SYCP1: variants seen among roughly 807,000 people sequenced by gnomAD.
The protein encoded by SYCP1 is synaptonemal complex protein 1.
A neutral mutation model predicts 153.1 loss-of-function variants in SYCP1; 64 were observed. That is an observed-to-expected ratio of 0.42 (90% confidence interval 0.34 to 0.51). The LOEUF (loss-of-function observed/expected upper bound fraction) is 0.51, where lower values mean the gene tolerates loss of function less well. Among genes scored for constraint, SYCP1 ranks in the 20% least tolerant of loss-of-function variants. The pLI, the probability that SYCP1 is intolerant of heterozygous loss-of-function variation, is 0.06. For missense variants in SYCP1, 997 were observed against 1,049.0 expected (o/e 0.95, Z 0.68); for synonymous variants, 384 against 341.8 (o/e 1.12, Z -1.36).
intron 27 of SYCP1, among the ~76,000 whole-genome samples, chr1:114,947,774 T>A (rs981260909): frequency 8.8e-6 from 1 of 113,024 alleles, no homozygotes; most frequent in Non-Finnish European, 1.6e-5. Context: ...ATCGCGCCAC[T>A]GCACTCTAGC....
At chr1:114,888,743 T>C (rs1249576272) in intron 15 of SYCP1, among the ~76,000 whole-genome samples, 1 of 152,156 alleles carries the variant, frequency 6.6e-6, no homozygotes, top group African/African-American at 2.4e-5. Flanking sequence ...CTAGGGTACA[T>C]GTGCACAACG....
intron 8 of SYCP1, among the ~76,000 whole-genome samples, chr1:114,869,805 T>C (rs781074454): frequency 1.1e-4 from 16 of 152,180 alleles, no homozygotes; most frequent in Non-Finnish European, 2.2e-4. Context: ...ACACTCAACA[T>C]ACATGTCTTA....
chr1:114,962,004 G>A (rs1671813033), intron 27 of SYCP1, among the ~76,000 whole-genome samples: 1 of 142,080 alleles, frequency 7.0e-6, no homozygotes, highest in Admixed American at 7.1e-5. Context: ...TTGAGATGGA[G>A]TCTTACCTTT....
intron 16 of SYCP1, among the ~76,000 whole-genome samples, chr1:114,906,903 AATTCT>A (rs1667846900): frequency 6.6e-6 from 1 of 152,078 alleles, no homozygotes; most frequent in South Asian, 2.1e-4. Flanking sequence ...TTTTGGGTCT[AATTCT>A]ATTATTTACT....
intron 15 of SYCP1, among the ~76,000 whole-genome samples, chr1:114,892,361 G>A (rs919186777): frequency 6.6e-6 from 1 of 152,108 alleles, no homozygotes. Flanking sequence ...CTGCCAGGGA[G>A]TGTGCGATTG....
At chr1:114,988,036 G>A (rs1184463797) in intron 30 of SYCP1, among the ~76,000 whole-genome samples, 3 of 135,720 alleles carry the variant, frequency 2.2e-5, no homozygotes, top group Non-Finnish European at 4.8e-5. Context: ...AAGAATTGGT[G>A]AACGTAAAGA....
chr1:114,895,364 C>A, intron 15 of SYCP1, 84 bp from the exon 16 acceptor site: 1 of 778,856 alleles, frequency 1.3e-6, no homozygotes, highest in Non-Finnish European at 1.9e-6. Context: ...TTCCCTTTTG[C>A]GTAGTATTAT....
At chr1:114,931,939 T>C (rs999795180) in intron 23 of SYCP1, among the ~76,000 whole-genome samples, 3 of 151,880 alleles carry the variant, frequency 2.0e-5, no homozygotes, top group African/African-American at 7.3e-5. Flanking sequence ...TCAACAAAGA[T>C]GCAAAAAAAT....
chr1:114,925,269 A>G (rs536506528), intron 21 of SYCP1, among the ~76,000 whole-genome samples: 1 of 152,258 alleles, frequency 6.6e-6, no homozygotes, highest in Admixed American at 6.5e-5. Context: ...AGGCCACTGC[A>G]GATCATTAAG....
chr1:114,987,772 TC>T (rs745385876), intron 30 of SYCP1, among the ~76,000 whole-genome samples: 15 of 151,694 alleles, frequency 9.9e-5, no homozygotes, highest in Non-Finnish European at 1.9e-4. Context: ...ACAGAAATTA[TC>T]CTTGAGGAAG....
chr1:114,876,754 A>C lies in SYCP1; in HGVS notation c.745A>C (p.Lys249Gln). 7.2e-7 allele frequency: 1 copy of C among 1,394,568 alleles called. No homozygotes were observed. The highest frequency in any genetic ancestry group is 2.8e-5 in the East Asian group (1 of 35,126). 86.4% of individuals were successfully genotyped at this position (1,394,568 alleles called of 1,614,324 possible). Residue 249 changes from lysine (K) to glutamine (Q), a missense_variant, in exon 11 of 32, where the codon AAA becomes CAA. Around this residue, in one of 2 missense-constraint regions of SYCP1, gnomAD observed 285 missense variants for 366.1 expected, o/e 0.78. Transcript: ENST00000369522. ...TTTTAAAGTAAAGGAAGATTATGAA[A>C]AAATCCAACACCTTGAACAAGAATA... is the stretch of plus-strand genomic sequence containing the variant. ...MHFKLKEDYE[K>Q]IQHLEQEYKK...
chr1:114,961,976 CTTTTTTTTT>C (rs562251009), intron 27 of SYCP1, among the ~76,000 whole-genome samples: 2 of 124,422 alleles, frequency 1.6e-5, no homozygotes, highest in Non-Finnish European at 3.4e-5. Context: ...TGCCATCTAT[CTTTTTTTTT>C]TTTTTTTTTT....
chr1:114,984,703 A>G (rs1291107926), intron 29 of SYCP1, 22 bp from the exon 30 acceptor site: 2 of 1,339,760 alleles, frequency 1.5e-6, no homozygotes, highest in South Asian at 2.5e-5. Context: ...ATGATAATGT[A>G]TGGTTTTTTA....
intron 30 of SYCP1, among the ~76,000 whole-genome samples, chr1:114,989,218 A>G (rs1673743162): frequency 6.6e-6 from 1 of 151,910 alleles, no homozygotes. Flanking sequence ...AACAGGGAAG[A>G]TGGAGCTGTG....
In SYCP1 at chr1:114,926,544, T is replaced by C. The variant is rs764484408; in HGVS notation, c.1907T>C (p.Leu636Pro). 1 of 1,598,464 alleles carries C rather than the reference T, an allele frequency of 6.3e-7. No individual in the cohort carries two copies. Among genetic ancestry groups the C allele is most frequent in the South Asian group, 1.1e-5 (1 of 87,880 alleles). ...KKKGTAESKQ[L>P]NVYEIKVNKL... ...AAAGGTACAGCAGAAAGCAAGCAAC[T>C]GAATGTTTATGAGATAAAGGTATTT... The change falls in exon 23 of 32, where the codon CTG (leucine) becomes CCG (proline). Residue 636 changes from leucine to proline, a missense_variant. This residue lies in a region of SYCP1 where 712 missense variants were observed against 682.9 expected (regional missense o/e 1.04). Transcript: ENST00000369522.
Position 114,944,319 on chromosome 1 carries a change from C to A in SYCP1, c.1927-20C>A. 1 of 1,336,656 alleles carries A rather than the reference C, an allele frequency of 7.5e-7. No homozygotes were observed. Among genetic ancestry groups the A allele is most frequent in the Non-Finnish European group, 1.1e-6 (1 of 945,030 alleles). 82.8% of individuals were successfully genotyped at this position (1,336,656 alleles called of 1,614,324 possible). On this transcript the variant is annotated intron_variant, in intron 23 of 31. Coordinates refer to ENST00000369522, the MANE Select transcript of SYCP1 (RefSeq NM_003176.4). ...TCCATAGCATTTACTAATATTCATG[C>A]TATTTTTCTTTACTTAAAGGTCAAT...
chr1:114,937,994 C>T (rs1338017550), intron 23 of SYCP1, among the ~76,000 whole-genome samples: 1 of 152,136 alleles, frequency 6.6e-6, no homozygotes, highest in African/African-American at 2.4e-5. Flanking sequence ...TGTGGTGATT[C>T]CTCAGGGACC....
chr1:114,861,708 C>T (rs1664385561), intron 8 of SYCP1, among the ~76,000 whole-genome samples: 1 of 151,506 alleles, frequency 6.6e-6, no homozygotes, highest in African/African-American at 2.4e-5. Flanking sequence ...AATAAATATG[C>T]TTAGAACAAT....
chr1:114,981,637 T>C (rs1422669606), intron 29 of SYCP1, 125 bp downstream of exon 29: 2 of 885,692 alleles, frequency 2.3e-6, no homozygotes, highest in African/African-American at 1.8e-5. Flanking sequence ...TCAATTTTTT[T>C]TGTGGTATCA....
Sources: gnomAD v4.1 joint callset for allele counts (sites outside exome capture counted in the v4.1 genomes callset) on GRCh38, gnomAD v4.1.1 for gene constraint, gnomAD v4.1.1 regional missense constraint, MANE v1.5 for transcripts, NCBI Gene and HGNC (gene_info 2026-07-23, HGNC 2026-07-21) for gene names.